Variants in MMEL1 observed in about 807,000 individuals in gnomAD.
MMEL1 encodes the protein membrane metalloendopeptidase like 1, also known as membrane metallo-endopeptidase-like 1.
Under a neutral mutation model 117.1 loss-of-function variants are expected in MMEL1, and 98 were observed. The observed-to-expected ratio is 0.84, with a 90% CI of 0.71 to 0.99. The LOEUF (loss-of-function observed/expected upper bound fraction) is 0.99. Ranked by LOEUF, MMEL1 falls within the 50% of genes least tolerant of loss-of-function variation. MMEL1 has a pLI of 0.00. For missense variants in MMEL1, 1,014 were observed against 1,049.1 expected, an observed-to-expected ratio of 0.97 and a Z score of 0.46; for synonymous variants, 390 against 415.1, an observed-to-expected ratio of 0.94 and a Z score of 0.74.
chr1:2,595,380 G>A lies in MMEL1; in HGVS notation c.1501-21C>T. The A allele has an allele frequency of 6.2e-7, 1 of 1,609,910 alleles. No individual in the cohort carries two copies. The highest frequency in any genetic ancestry group is 8.5e-7 in the Non-Finnish European group (1 of 1,176,746). ...ATGGCCTGAGTGGGGAGGAGGGACT[G>A]GTCAGTGGGTGCCCCACTGCGGATG... On this transcript the variant is annotated intron_variant, in intron 15 of 23. Coordinates refer to ENST00000378412, the MANE Select transcript of MMEL1 (RefSeq NM_033467.4). The surrounding 1 kb of genome is among the most constrained non-coding windows in gnomAD (Gnocchi z 4.8).
chr1:2,591,081 C>G lies in MMEL1; in HGVS notation c.2249G>C (p.Gly750Ala), dbSNP rs755546935. 26 of 1,589,372 alleles carry G rather than the reference C, an allele frequency of 1.6e-5. 2 individuals carry two copies. The South Asian group carries it at 3.0e-4, about 18-fold the overall frequency. Residue 750 changes from glycine (G) to alanine (A), a missense_variant, in exon 24 of 24, where the codon GGG (glycine) becomes GCG (alanine). Coordinates refer to ENST00000378412, the MANE Select transcript of MMEL1 (RefSeq NM_033467.4). ...GAAGGCGGCCAGGTTCTGCAGCGAC[C>G]CCAGTACCCTGTGGGTGGGTGGGTG... is the stretch of plus-strand genomic sequence containing the variant. Reference protein sequence around the residue: ...VHSPLKYRVLGSLQNLAAFAD... With the variant: ...VHSPLKYRVLASLQNLAAFAD...
intron 4 of MMEL1, among the ~76,000 whole-genome samples, chr1:2,610,546 C>T (rs1645108436): frequency 6.6e-6 from 1 of 152,190 alleles, no homozygotes; most frequent in Admixed American, 6.5e-5. Flanking sequence ...CTGACTCTGC[C>T]CCCTGCCCCC....
At chr1:2,599,421 T>C in intron 11 of MMEL1, among the ~76,000 whole-genome samples, 1 of 152,260 alleles carries the variant, frequency 6.6e-6, no homozygotes, top group East Asian at 1.9e-4. Flanking sequence ...AATACAAGTT[T>C]GGTGTAACAT....
chr1:2,631,278 G>A (rs556903032), intron 1 of MMEL1, among the ~76,000 whole-genome samples: 18 of 152,276 alleles, frequency 1.2e-4, no homozygotes, highest in South Asian at 1.0e-3. Context: ...CAGGCAGGGC[G>A]GATAATGTGG....
chr1:2,598,077 G>A (rs1013179351), intron 13 of MMEL1, 130 bp downstream of exon 13: 22 of 819,498 alleles, frequency 2.7e-5, no homozygotes, highest in Non-Finnish European at 6.0e-6. Context: ...ACTGGGGTGG[G>A]CGCCTCGCCC....
intron 6 of MMEL1, among the ~76,000 whole-genome samples, chr1:2,607,975 C>T (rs143546556): frequency 3.5e-4 from 53 of 152,252 alleles, no homozygotes; most frequent in African/African-American, 1.3e-3. Flanking sequence ...GGCTGGGCTG[C>T]CGGTCCTGAG....
intron 19 of MMEL1, among the ~76,000 whole-genome samples, chr1:2,593,332 A>G (rs939715783): frequency 1.3e-5 from 2 of 152,188 alleles, no homozygotes; most frequent in Admixed American, 6.5e-5. Context: ...AGGACTGCCC[A>G]CGGAAGGTCC....
chr1:2,595,384 A>T lies in MMEL1; in HGVS notation c.1501-25T>A, dbSNP rs769795321. 4.4e-6 allele frequency: 7 copies of T among 1,608,558 alleles called. No individual in the cohort carries two copies. In the Admixed American group the frequency reaches 8.3e-5, roughly 19 times the overall value. ...CCTGAGTGGGGAGGAGGGACTGGTC[A>T]GTGGGTGCCCCACTGCGGATGGAGT... is the stretch of plus-strand genomic sequence containing the variant. On this transcript the variant is annotated intron_variant, in intron 15 of 23. Coordinates refer to ENST00000378412, the MANE Select transcript of MMEL1 (RefSeq NM_033467.4). This position sits in a 1 kb window ranked among gnomAD's most constrained non-coding sequence, Gnocchi z 4.8.
chr1:2,623,812 C>T (rs531385887), intron 2 of MMEL1, among the ~76,000 whole-genome samples: 1 of 152,186 alleles, frequency 6.6e-6, no homozygotes, highest in East Asian at 1.9e-4. Context: ...AAACTATACT[C>T]GTCTGGCAGG....
At chr1:2,594,333 T>C in intron 18 of MMEL1, 52 bp downstream of exon 18, 1 of 1,541,198 alleles carries the variant, frequency 6.5e-7, no homozygotes, top group Non-Finnish European at 8.8e-7. Context: ...AAGCCACCCC[T>C]TCAACTCTGG....
At chr1:2,630,747 ATG>A (rs1638526475) in intron 1 of MMEL1, among the ~76,000 whole-genome samples, 1 of 121,692 alleles carries the variant, frequency 8.2e-6, no homozygotes. Context: ...GTGTGCTCTC[ATG>A]TGTGCATGTG....
intron 6 of MMEL1, among the ~76,000 whole-genome samples, chr1:2,607,897 G>A (rs1178295580): frequency 6.6e-6 from 1 of 152,130 alleles, no homozygotes; most frequent in Non-Finnish European, 1.5e-5. Context: ...GCTGTTAGGG[G>A]CCGGATGCCG....
At chr1:2,599,596 G>A (rs1406430008) in intron 11 of MMEL1, among the ~76,000 whole-genome samples, 3 of 152,194 alleles carry the variant, frequency 2.0e-5, no homozygotes, top group Non-Finnish European at 2.9e-5. Flanking sequence ...AGTGGCTCAC[G>A]CCTGTAATCC....
chr1:2,611,288 C>T lies in MMEL1; in HGVS notation c.285G>A (p.Val95=). The T allele has an allele frequency of 1.3e-6, 2 of 1,579,708 alleles. No homozygotes were observed. The highest frequency in any genetic ancestry group is 8.6e-7 in the Non-Finnish European group (1 of 1,164,562). The change falls in exon 4 of 24, where the codon GTG becomes GTA. Residue 95 remains valine, a synonymous_variant. Coordinates refer to ENST00000378412, the MANE Select transcript of MMEL1 (RefSeq NM_033467.4). The part of the protein sequence containing the change: ...VSEVCTTPGC[V]IAAARILQNM... ...CAAGGGGGCGGGGCTTACCTGCTATCACGCAGCCAGGGGTGGTGCAGACCT... is the reference window on the plus strand; with the variant it reads ...CAAGGGGGCGGGGCTTACCTGCTATTACGCAGCCAGGGGTGGTGCAGACCT...
Position 2,592,887 on chromosome 1 carries a change from CT to C in MMEL1, c.1946del (p.Glu649GlyfsTer3). 6.2e-7 allele frequency: 1 copy of C among 1,613,830 alleles called. No individual in the cohort carries two copies. The highest frequency in any genetic ancestry group is 8.5e-7 in the Non-Finnish European group (1 of 1,179,964). On this transcript the variant is annotated frameshift_variant, in exon 20 of 24. Transcript: ENST00000378412. LOFTEE classifies it high-confidence loss of function. ...AGTTGCCGTACTGGTAGATCATGCA[CT>C]CTGACTGCTCCCGGAAGTGCTGGGT... The part of the protein sequence containing the change: ...FSTQHFREQS[E>X]CMIYQYGNYS...
At chr1:2,591,690 T>TGGGGGGCCCTGGGGGGGG in intron 22 of MMEL1, 57 bp from the exon 23 acceptor site, 3 of 376,500 alleles carry the variant, frequency 8.0e-6, no homozygotes, top group Non-Finnish European at 1.5e-5. Context: ...CCAGGAGGGG[T>TGGGGGGCCCTGGGGGGGG]GGGGGAGGGT....
chr1:2,606,463 G>A, intron 7 of MMEL1, 97 bp from the exon 8 acceptor site: 1 of 864,686 alleles, frequency 1.2e-6, no homozygotes, highest in South Asian at 1.5e-5. Context: ...AGGAACTAGG[G>A]GGCCATAGGG....
At chr1:2,606,503 T>C in intron 7 of MMEL1, 137 bp from the exon 8 acceptor site, 1 of 634,396 alleles carries the variant, frequency 1.6e-6, no homozygotes, top group Non-Finnish European at 2.7e-6. Flanking sequence ...CCTTAGGGGC[T>C]GGGGGATGTG....
At position 2,607,077 on chromosome 1, in the gene MMEL1, G is replaced by A; in HGVS notation, c.536-8C>T. On this transcript the variant is annotated splice_region_variant and splice_polypyrimidine_tract_variant and intron_variant, in intron 6 of 23. Coordinates refer to ENST00000378412, the MANE Select transcript of MMEL1 (RefSeq NM_033467.4). ...CTCGCTTCTCTATCACACCTGAGAA[G>A]GGACGCAGTGGTCACTCTCCCAGCC... 6.2e-7 allele frequency: 1 copy of A among 1,609,172 alleles called. No homozygotes were observed. Among genetic ancestry groups the A allele is most frequent in the Non-Finnish European group, 8.5e-7 (1 of 1,177,162 alleles).
Sources: gnomAD v4.1 joint callset for allele counts (sites outside exome capture counted in the v4.1 genomes callset) on GRCh38, gnomAD v4.1.1 for gene constraint, Gnocchi (gnomAD v3.1) non-coding constraint, MANE v1.5 for transcripts, NCBI Gene and HGNC (gene_info 2026-07-23, HGNC 2026-07-21) for gene names.